The following GALNT13 variants were observed in gnomAD, a reference collection of about 807,000 sequenced individuals.
GALNT13 encodes UDP-GalNAc:polypeptide N-acetylgalactosaminyltransferase 13.
A neutral mutation model predicts 64.2 loss-of-function variants in GALNT13; 28 were observed. The ratio of observed to expected loss-of-function variants is 0.44; its 90% CI spans 0.32 to 0.60. GALNT13 has a LOEUF of 0.60. Ranked by LOEUF, GALNT13 falls within the 20% of genes least tolerant of loss-of-function variation. GALNT13 has a pLI of 0.05. For missense variants in GALNT13, 577 were observed against 669.8 expected, an observed-to-expected ratio of 0.86 and a Z score of 1.53; for synonymous variants, 214 against 224.6, an observed-to-expected ratio of 0.95 and a Z score of 0.42.
At chr2:153,127,350 A>AT in the GALNT13 span, among the ~76,000 whole-genome samples, 2 of 152,154 alleles carry the variant, frequency 1.3e-5, no homozygotes, top group Non-Finnish European at 2.9e-5. Flanking sequence ...TTTGCAAGTC[A>AT]TGTGGCCTCT....
chr2:153,131,489 G>A, the GALNT13 span, among the ~76,000 whole-genome samples: 1 of 151,706 alleles, frequency 6.6e-6, no homozygotes, highest in Non-Finnish European at 1.5e-5. Flanking sequence ...CTGTAAGAGA[G>A]TAAACTGGAG....
chr2:153,524,102 T>C, the GALNT13 span, among the ~76,000 whole-genome samples: 10 of 152,186 alleles, frequency 6.6e-5, no homozygotes, highest in African/African-American at 1.9e-4. Flanking sequence ...ACGTGATGAA[T>C]TACATTACTT....
chr2:153,135,881 A>G, the GALNT13 span, among the ~76,000 whole-genome samples: 1 of 152,098 alleles, frequency 6.6e-6, no homozygotes, highest in Admixed American at 6.6e-5. Context: ...TTTATATATG[A>G]TTCTGTGATG....
the GALNT13 span, among the ~76,000 whole-genome samples, chr2:153,727,850 A>G: frequency 1.3e-5 from 2 of 152,046 alleles, no homozygotes; most frequent in African/African-American, 4.8e-5. Context: ...TTCAGGTTTT[A>G]AGCCCGTATG....
At chr2:153,536,484 A>G in the GALNT13 span, among the ~76,000 whole-genome samples, 1 of 151,932 alleles carries the variant, frequency 6.6e-6, no homozygotes, top group Admixed American at 6.6e-5. Flanking sequence ...AGTTTGTTTA[A>G]CTTTTTACTT....
chr2:153,885,465 T>A (rs943351267), intron 1 of GALNT13, among the ~76,000 whole-genome samples: 3 of 152,058 alleles, frequency 2.0e-5, no homozygotes, highest in South Asian at 4.1e-4. Flanking sequence ...GCTTAATGGT[T>A]TTTTTTGCTG....
upstream of GALNT13, among the ~76,000 whole-genome samples, chr2:153,868,736 T>C (rs1285084460): frequency 6.6e-6 from 1 of 152,224 alleles, no homozygotes; most frequent in Non-Finnish European, 1.5e-5. Context: ...TGGCCTTATA[T>C]TGGCCAATAG....
intron 9 of GALNT13, among the ~76,000 whole-genome samples, chr2:154,326,092 A>G (rs1464720489): frequency 1.3e-5 from 2 of 152,142 alleles, no homozygotes; most frequent in Non-Finnish European, 2.9e-5. Context: ...TTCCAGGCCC[A>G]CAGCATCAGA....
the GALNT13 span, among the ~76,000 whole-genome samples, chr2:153,341,158 A>G: frequency 6.6e-6 from 1 of 152,246 alleles, no homozygotes; most frequent in African/African-American, 2.4e-5. Context: ...AAATTATTTA[A>G]TCTTCCATTT....
intron 3 of GALNT13, among the ~76,000 whole-genome samples, chr2:154,073,011 C>A (rs759167876): frequency 6.6e-5 from 10 of 151,940 alleles, no homozygotes; most frequent in Non-Finnish European, 1.0e-4. Flanking sequence ...TAGGTCAAAA[C>A]TTTTTAAAAA....
the GALNT13 span, among the ~76,000 whole-genome samples, chr2:153,078,565 C>A: frequency 6.6e-6 from 1 of 152,080 alleles, no homozygotes; most frequent in Non-Finnish European, 1.5e-5. Context: ...CCCACCTCGG[C>A]CTCCCAAAGT....
intron 3 of GALNT13, among the ~76,000 whole-genome samples, chr2:153,966,223 T>C (rs970231504): frequency 2.4e-4 from 36 of 149,978 alleles, no homozygotes; most frequent in Admixed American, 5.3e-4. Flanking sequence ...GGATTTCTTT[T>C]TTTTTTTTTT....
chr2:154,022,207 G>A (rs1165741665), intron 3 of GALNT13, among the ~76,000 whole-genome samples: 2 of 152,142 alleles, frequency 1.3e-5, no homozygotes, highest in East Asian at 1.9e-4. Context: ...TCAGGATGAT[G>A]CTGGCCTCAT....
intron 3 of GALNT13, among the ~76,000 whole-genome samples, chr2:154,046,085 A>G (rs1215731522): frequency 6.6e-6 from 1 of 152,080 alleles, no homozygotes; most frequent in Admixed American, 6.6e-5. Flanking sequence ...AGGCAGGAGG[A>G]TCACTTGAGA....
At chr2:153,076,917 T>C in the GALNT13 span, among the ~76,000 whole-genome samples, 2 of 151,788 alleles carry the variant, frequency 1.3e-5, no homozygotes, top group Non-Finnish European at 2.9e-5. Flanking sequence ...GTTTTTTGTT[T>C]TTTTCCATTG....
chr2:153,384,523 G>A, the GALNT13 span, among the ~76,000 whole-genome samples: 1 of 151,972 alleles, frequency 6.6e-6, no homozygotes, highest in Non-Finnish European at 1.5e-5. Context: ...CAAAGGAGAT[G>A]CCTGCCACTC....
intron 4 of GALNT13, among the ~76,000 whole-genome samples, chr2:154,161,642 C>A (rs1318534030): frequency 1.3e-5 from 2 of 152,146 alleles, no homozygotes; most frequent in African/African-American, 4.8e-5. Context: ...TAAATGTTTA[C>A]TACCTTTAAT....
At chr2:153,477,437 A>AC in the GALNT13 span, 2 of 152,552 alleles carry the variant, frequency 1.3e-5, no homozygotes, top group Non-Finnish European at 2.9e-5. Context: ...TGTGGCGTAA[A>AC]CCGTGCAGTC....
chr2:154,093,478 T>C (rs1701923627), intron 3 of GALNT13, among the ~76,000 whole-genome samples: 1 of 151,954 alleles, frequency 6.6e-6, no homozygotes, highest in Non-Finnish European at 1.5e-5. Flanking sequence ...TCGAGCATAG[T>C]TGTGGTGTGT....
Sources: allele counts gnomAD v4.1 joint callset (sites outside exome capture counted in the v4.1 genomes callset), GRCh38; gene constraint gnomAD v4.1.1; transcripts MANE v1.5; gene names NCBI Gene and HGNC (gene_info 2026-07-23, HGNC 2026-07-21).